Variants in LRRC20 observed in about 807,000 individuals in gnomAD.
The protein encoded by LRRC20 is leucine rich repeat containing 20, also known as leucine-rich repeat-containing protein 20.
In LRRC20, 11 loss-of-function variants were observed where a neutral mutation model predicts 14.4. The observed-to-expected ratio is 0.77, with a 90% CI of 0.48 to 1.27. The LOEUF (loss-of-function observed/expected upper bound fraction) is 1.27, where lower values mean the gene tolerates loss of function less well. Among genes scored for constraint, LRRC20 ranks in the 50% most tolerant of loss-of-function variants. The probability of loss-of-function intolerance (pLI) is 0.00; values close to 1 mark genes in which losing one functional copy is unlikely to be tolerated. For missense variants in LRRC20, 219 were observed against 251.2 expected, an observed-to-expected ratio of 0.87 and a Z score of 0.87; for synonymous variants, 121 against 107.3, an observed-to-expected ratio of 1.13 and a Z score of -0.79.
At chr10:70,354,305 G>A (rs899199628) in intron 2 of LRRC20, among the ~76,000 whole-genome samples, 10 of 152,084 alleles carry the variant, frequency 6.6e-5, no homozygotes, top group Admixed American at 1.3e-4. Context: ...ACTAAAGTGT[G>A]ACACCTGGGG....
At chr10:70,360,691 C>T (rs1843688483) in intron 2 of LRRC20, among the ~76,000 whole-genome samples, 1 of 152,078 alleles carries the variant, frequency 6.6e-6, no homozygotes, top group Non-Finnish European at 1.5e-5. Context: ...GATCCTCCCG[C>T]CCTGGCCTCT....
chr10:70,352,403 A>G (rs1843345433), intron 2 of LRRC20, among the ~76,000 whole-genome samples: 2 of 151,826 alleles, frequency 1.3e-5, no homozygotes, highest in Admixed American at 1.3e-4. Context: ...CCTCCTTTTA[A>G]AAACTGCTAA....
At chr10:70,354,343 C>T (rs1843444545) in intron 2 of LRRC20, among the ~76,000 whole-genome samples, 1 of 152,118 alleles carries the variant, frequency 6.6e-6, no homozygotes, top group Admixed American at 6.6e-5. Context: ...ATTCTGATGC[C>T]ACATGTCTAG....
chr10:70,350,301 G>A (rs994190705), intron 2 of LRRC20, among the ~76,000 whole-genome samples: 27 of 152,196 alleles, frequency 1.8e-4, no homozygotes, highest in South Asian at 2.1e-4. Flanking sequence ...GGCGGTAGCA[G>A]TACAATAAAC....
At chr10:70,366,424 C>CA (rs973992618) in intron 2 of LRRC20, among the ~76,000 whole-genome samples, 60 of 139,588 alleles carry the variant, frequency 4.3e-4, no homozygotes, top group Middle Eastern at 3.6e-3. Flanking sequence ...AACTCTGTCT[C>CA]AAAAAAAAAA....
chr10:70,355,907 G>A (rs1288784828), intron 2 of LRRC20, among the ~76,000 whole-genome samples: 1 of 149,634 alleles, frequency 6.7e-6, no homozygotes, highest in Admixed American at 6.7e-5. Context: ...ACGCACACAC[G>A]AATCCTGCAT....
rs138097271 is a variant in LRRC20, at chr10:70,343,345, G to A, written c.83-2643C>T. Among the ~76,000 whole-genome samples, 88 of 152,298 alleles carry A rather than the reference G, an allele frequency of 5.8e-4. 1 individual carries two copies. In the East Asian group the frequency reaches 8.7e-3, roughly 15 times the overall value. On this transcript the variant is annotated intron_variant, in intron 2 of 4. Coordinates refer to ENST00000446961, the MANE Select transcript of LRRC20 (RefSeq NM_001278212.2). Reference sequence around the variant, plus strand: ...AGTTGACCTCACAGATGTGGTTTTGGGGGGGAAAAGGGACAGGTGGGAAAA... The same window carrying A: ...AGTTGACCTCACAGATGTGGTTTTGAGGGGGAAAAGGGACAGGTGGGAAAA...
At chr10:70,373,473 T>C (rs1844388676) in intron 2 of LRRC20, among the ~76,000 whole-genome samples, 1 of 152,184 alleles carries the variant, frequency 6.6e-6, no homozygotes, top group Non-Finnish European at 1.5e-5. Context: ...ACTCAATACA[T>C]GCTAACTGCT....
At chr10:70,324,782 G>A (rs1392847610) in intron 3 of LRRC20, among the ~76,000 whole-genome samples, 3 of 152,196 alleles carry the variant, frequency 2.0e-5, no homozygotes, top group Non-Finnish European at 2.9e-5. Context: ...AGCAGGTGGT[G>A]GAGGAGCACA....
Position 70,376,563 on chromosome 10 carries a change from C to G in LRRC20, c.-30G>C. The G allele has an allele frequency of 1.9e-6, 3 of 1,603,800 alleles. No homozygotes were observed. Among genetic ancestry groups the G allele is most frequent in the Non-Finnish European group, 2.6e-6 (3 of 1,173,434 alleles). On this transcript the variant is annotated 5_prime_UTR_variant, in exon 2 of 5. Transcript: ENST00000446961. The stretch of plus-strand genomic sequence containing the variant: ...ACACAGGTGTCCTGCCGCCAGCCCC[C>G]AGGCTGGTCTGCTTCTCACAAAAGG...
At chr10:70,319,773 T>C (rs963690585) in intron 4 of LRRC20, among the ~76,000 whole-genome samples, 1 of 152,214 alleles carries the variant, frequency 6.6e-6, no homozygotes, top group Admixed American at 6.5e-5. Context: ...ACAGGAACTA[T>C]CTCATATCCC....
chr10:70,336,427 T>A lies in LRRC20; in HGVS notation c.232+4126A>T, dbSNP rs187032580. Among the ~76,000 whole-genome samples the A allele has an allele frequency of 2.0e-5, 3 of 152,344 alleles. No individual in the cohort carries two copies. In the East Asian group the frequency reaches 5.8e-4, roughly 29 times the overall value. ...TGCCATATGTCAGATTTGTAGGAAG[T>A]CAGACTGCTATCTCTAGCAATCATT... On this transcript the variant is annotated intron_variant, in intron 3 of 4. Coordinates refer to ENST00000446961, the MANE Select transcript of LRRC20 (RefSeq NM_001278212.2).
chr10:70,340,328 T>C (rs1460676777), intron 3 of LRRC20, among the ~76,000 whole-genome samples: 1 of 152,152 alleles, frequency 6.6e-6, no homozygotes, highest in African/African-American at 2.4e-5. Flanking sequence ...AACCACACCC[T>C]TGATCCTTGT....
Position 70,301,252 on chromosome 10 carries a change from CG to C in LRRC20, c.*101del. 6.8e-7 allele frequency: 1 copy of C among 1,472,800 alleles called. No individual in the cohort carries two copies. The highest frequency in any genetic ancestry group is 1.4e-5 in the African/African-American group (1 of 70,202). The allele number at this position is 1,472,800 out of a possible 1,614,324, so 91.2% of individuals were successfully genotyped here. The stretch of plus-strand genomic sequence containing the variant: ...CCCACCACGTGCTGCTCGGCCCACC[CG>C]CCCCCAGCCCCCAGGCTTGGCCTCC... On this transcript the variant is annotated 3_prime_UTR_variant, in exon 5 of 5. Transcript: ENST00000446961.
chr10:70,378,939 T>A (rs1844608637), intron 1 of LRRC20, among the ~76,000 whole-genome samples: 1 of 152,058 alleles, frequency 6.6e-6, no homozygotes. Context: ...AGAGCAAAGC[T>A]CTGTCTCAAA....
At chr10:70,380,270 T>C (rs1024635291) in intron 1 of LRRC20, among the ~76,000 whole-genome samples, 3 of 152,340 alleles carry the variant, frequency 2.0e-5, no homozygotes, top group South Asian at 4.1e-4. Context: ...CTTCCTTCTA[T>C]GCCAGAGGAT....
At chr10:70,315,373 C>T (rs781453995) in intron 4 of LRRC20, among the ~76,000 whole-genome samples, 1 of 152,198 alleles carries the variant, frequency 6.6e-6, no homozygotes, top group African/African-American at 2.4e-5. Context: ...GAATTGCATG[C>T]CACATTATGG....
chr10:70,313,976 C>G (rs1429074889), intron 4 of LRRC20, among the ~76,000 whole-genome samples: 1 of 152,148 alleles, frequency 6.6e-6, no homozygotes, highest in Non-Finnish European at 1.5e-5. Context: ...GACTCACAAT[C>G]ATGGCAGAAG....
intron 2 of LRRC20, among the ~76,000 whole-genome samples, chr10:70,359,087 A>G (rs1394049452): frequency 6.6e-6 from 1 of 152,198 alleles, no homozygotes; most frequent in Non-Finnish European, 1.5e-5. Flanking sequence ...TTATTCTACT[A>G]TGGTTTTACT....
Sources: gnomAD v4.1 joint callset for allele counts (sites outside exome capture counted in the v4.1 genomes callset) on GRCh38, gnomAD v4.1.1 for gene constraint, MANE v1.5 for transcripts, NCBI Gene and HGNC (gene_info 2026-07-23, HGNC 2026-07-21) for gene names.